The following GRAMD1B variants were observed in gnomAD, a reference collection of about 807,000 sequenced individuals.
The protein encoded by GRAMD1B is protein Aster-B.
GRAMD1B carries 37 observed loss-of-function variants against 99.7 expected under a neutral mutation model. The observed-to-expected ratio is 0.37, with a 90% CI of 0.29 to 0.49. GRAMD1B has a LOEUF of 0.49. Ranked by LOEUF, GRAMD1B falls within the 20% of genes least tolerant of loss-of-function variation. GRAMD1B has a pLI of 0.98. For synonymous variants in GRAMD1B, 427 were observed against 387.6 expected (o/e 1.10, Z -1.19); for missense variants, 888 against 1,009.2 (o/e 0.88, Z 1.63).
chr11:123,389,472 A>G (rs1308966310), intron 1 of GRAMD1B, among the ~76,000 whole-genome samples: 1 of 152,120 alleles, frequency 6.6e-6, no homozygotes, highest in Non-Finnish European at 1.5e-5. Context: ...AAAAATAAGG[A>G]AAGTCTAAGA....
chr11:123,605,127 G>A (rs1592239299), intron 9 of GRAMD1B, among the ~76,000 whole-genome samples, 195 bp from the exon 10 acceptor site: 3 of 151,922 alleles, frequency 2.0e-5, no homozygotes, highest in African/African-American at 7.3e-5. Flanking sequence ...AGGGAGGGGT[G>A]GGGTGGGATA....
At chr11:123,460,128 A>C (rs944801262) in intron 1 of GRAMD1B, 2 of 151,996 alleles carry the variant, frequency 1.3e-5, no homozygotes, top group African/African-American at 4.8e-5. Context: ...TGGATTAGTC[A>C]ACTTCTGTTT....
chr11:123,375,855 C>T (rs1175871739), intron 1 of GRAMD1B, among the ~76,000 whole-genome samples: 1 of 152,142 alleles, frequency 6.6e-6, no homozygotes, highest in African/African-American at 2.4e-5. Context: ...TTCGTGTACT[C>T]ATCTATTTGG....
intron 1 of GRAMD1B, among the ~76,000 whole-genome samples, chr11:123,421,248 T>C (rs1948424350): frequency 6.6e-6 from 1 of 152,220 alleles, no homozygotes. Context: ...TGGGATTAGT[T>C]CTAGTGAGGT....
intron 1 of GRAMD1B, among the ~76,000 whole-genome samples, chr11:123,443,958 G>GT (rs147486255): frequency 0.03 from 4,518 of 152,314 alleles, 115 homozygotes; most frequent in Middle Eastern, 0.1. Context: ...GTAGAAAAGA[G>GT]TGTCTGGGTT....
At chr11:123,463,918 C>T (rs767964572) in intron 1 of GRAMD1B, among the ~76,000 whole-genome samples, 1 of 152,142 alleles carries the variant, frequency 6.6e-6, no homozygotes, top group Non-Finnish European at 1.5e-5. Flanking sequence ...TGTAGTAAGG[C>T]CTTGTGTGGC....
intron 1 of GRAMD1B, among the ~76,000 whole-genome samples, chr11:123,466,371 AG>A (rs1402319934): frequency 1.0e-4 from 6 of 59,470 alleles, no homozygotes; most frequent in Admixed American, 1.9e-4. Context: ...GGAAGGAAAA[AG>A]AAAGAGAGAG....
chr11:123,432,078 C>G, intron 1 of GRAMD1B: 1 of 398,604 alleles, frequency 2.5e-6, no homozygotes, highest in Admixed American at 4.4e-5. Context: ...TGATCACTTT[C>G]CCTGGAATTC....
chr11:123,368,275 A>AAAAAAAAAAGAAAG (rs60644137), intron 1 of GRAMD1B, among the ~76,000 whole-genome samples: 1 of 127,112 alleles, frequency 7.9e-6, no homozygotes, highest in African/African-American at 3.6e-5. Flanking sequence ...AAAAAAAAAA[A>AAAAAAAAAAGAAAG]AAAGAAAGAA....
chr11:123,485,715 CTTTTTT>C (rs373956363), intron 2 of GRAMD1B, among the ~76,000 whole-genome samples: 1 of 132,484 alleles, frequency 7.5e-6, no homozygotes. Context: ...TTAATTCATT[CTTTTTT>C]TTTTTTTTTT....
In GRAMD1B at chr11:123,590,023, G is replaced by C. The variant is rs866442340; in HGVS notation, c.685-4059G>C. The stretch of plus-strand genomic sequence containing the variant: ...ATCCCTGTCCCTAGCTTCTTGGTCT[G>C]GAGGCTTTCTTGCCCCATTGGCCTG... On this transcript the variant is annotated intron_variant, in intron 4 of 19. Coordinates refer to ENST00000635736, the MANE Select transcript of GRAMD1B (RefSeq NM_001387025.1). Among the ~76,000 whole-genome samples the C allele has an allele frequency of 2.0e-5, 3 of 152,280 alleles. No individual in the cohort carries two copies. The Middle Eastern group carries it at 0.01, about 518-fold the overall frequency.
intron 19 of GRAMD1B, chr11:123,619,632 C>A: frequency 2.4e-6 from 1 of 408,794 alleles, no homozygotes; most frequent in Non-Finnish European, 3.3e-6. Context: ...CCTCCTCTGA[C>A]AGTCAGTGGC....
chr11:123,364,971 AC>A (rs1160272331), intron 1 of GRAMD1B, among the ~76,000 whole-genome samples: 1 of 152,140 alleles, frequency 6.6e-6, no homozygotes, highest in Non-Finnish European at 1.5e-5. Flanking sequence ...AAAAAAAATC[AC>A]CTTTGAACTC....
At chr11:123,527,174 C>T (rs908275675) in intron 2 of GRAMD1B, among the ~76,000 whole-genome samples, 3 of 152,092 alleles carry the variant, frequency 2.0e-5, no homozygotes, top group Admixed American at 6.5e-5. Flanking sequence ...TGGCTGTCCA[C>T]GCGTGGGGTG....
At chr11:123,555,011 C>G (rs756891535) in intron 2 of GRAMD1B, among the ~76,000 whole-genome samples, 2 of 152,154 alleles carry the variant, frequency 1.3e-5, no homozygotes, top group Non-Finnish European at 2.9e-5. Context: ...ATCAGTGAAA[C>G]TCATTGGGAG....
At chr11:123,513,925 G>A (rs1941419499) in intron 2 of GRAMD1B, among the ~76,000 whole-genome samples, 1 of 152,032 alleles carries the variant, frequency 6.6e-6, no homozygotes, top group Non-Finnish European at 1.5e-5. Flanking sequence ...CACAGTGCTG[G>A]GATTATAGGC....
At position 123,556,342 on chromosome 11, in the gene GRAMD1B, T is replaced by C. The variant is rs762711; in HGVS notation, c.453-21025T>C. On this transcript the variant is annotated intron_variant, in intron 2 of 19. Transcript: ENST00000635736. ...AGTATGCAGGTGGGATTCAGAGACG[T>C]AAGATCTTAGCCTTTATTTTCAACA... Among the ~76,000 whole-genome samples, 396 of 152,358 alleles carry C rather than the reference T, an allele frequency of 2.6e-3. 1 individual carries two copies. Among genetic ancestry groups the C allele is most frequent in the African/African-American group, 8.3e-3 (345 of 41,590 alleles).
At chr11:123,370,272 C>T (rs923968305) in intron 1 of GRAMD1B, among the ~76,000 whole-genome samples, 7 of 149,412 alleles carry the variant, frequency 4.7e-5, no homozygotes, top group East Asian at 2.0e-4. Context: ...GCCGAGATTG[C>T]GCCACTGCAC....
At chr11:123,446,164 T>A (rs533049495) in intron 1 of GRAMD1B, among the ~76,000 whole-genome samples, 96 of 152,160 alleles carry the variant, frequency 6.3e-4, no homozygotes, top group African/African-American at 1.8e-3. Flanking sequence ...TCTGCAGACT[T>A]CTTTTATTAT....
Sources: gnomAD v4.1 joint callset for allele counts (sites outside exome capture counted in the v4.1 genomes callset) on GRCh38, gnomAD v4.1.1 for gene constraint, MANE v1.5 for transcripts, NCBI Gene and HGNC (gene_info 2026-07-23, HGNC 2026-07-21) for gene names.